The following KHDRBS2 variants were observed in gnomAD, a reference collection of about 807,000 sequenced individuals.
KHDRBS2 encodes KH RNA binding domain containing, signal transduction associated 2, also known as KH domain-containing, RNA-binding, signal transduction-associated protein 2.
Under a neutral mutation model 44.3 loss-of-function variants are expected in KHDRBS2, and 26 were observed. The observed-to-expected ratio is 0.59, with a 90% confidence interval of 0.43 to 0.81. The LOEUF (loss-of-function observed/expected upper bound fraction) is 0.81, where lower values mean the gene tolerates loss of function less well. KHDRBS2 is among the 40% of genes least tolerant of loss of function. KHDRBS2 has a pLI of 0.00. For synonymous variants in KHDRBS2, 194 were observed against 151.1 expected (o/e 1.28, Z -2.08); for missense variants, 476 against 433.1 (o/e 1.10, Z -0.88).
chr6:62,158,746 C>A (rs1272233337), intron 2 of KHDRBS2, among the ~76,000 whole-genome samples: 1 of 152,100 alleles, frequency 6.6e-6, no homozygotes, highest in African/African-American at 2.4e-5. Flanking sequence ...TTCCTCTCAA[C>A]ACTACATTCT....
the KHDRBS2 span, among the ~76,000 whole-genome samples, chr6:61,579,019 TG>T: frequency 6.6e-6 from 1 of 152,180 alleles, no homozygotes. Context: ...AACTATTAAT[TG>T]TTTTTAGCCC....
At chr6:61,957,730 G>A (rs988080331) in intron 4 of KHDRBS2, among the ~76,000 whole-genome samples, 1 of 152,116 alleles carries the variant, frequency 6.6e-6, no homozygotes, top group Non-Finnish European at 1.5e-5. Flanking sequence ...ATGGTCCTGT[G>A]ATCTCACCCT....
chr6:61,950,224 G>A (rs1055793298), intron 4 of KHDRBS2, among the ~76,000 whole-genome samples: 4 of 152,042 alleles, frequency 2.6e-5, no homozygotes, highest in Non-Finnish European at 4.4e-5. Flanking sequence ...CTTGGATACA[G>A]TACAGCTCCA....
the KHDRBS2 span, among the ~76,000 whole-genome samples, chr6:61,669,236 CAGGTAGTATGCACTTAATT>C: frequency 6.6e-5 from 10 of 150,900 alleles, no homozygotes; most frequent in Non-Finnish European, 1.2e-4. Flanking sequence ...ACAGTCTTGA[CAGGTAGTATGCACTTAATT>C]ATTTAAAATG....
intron 2 of KHDRBS2, among the ~76,000 whole-genome samples, chr6:62,129,673 G>A (rs1809808314): frequency 6.6e-6 from 1 of 152,034 alleles, no homozygotes; most frequent in Non-Finnish European, 1.5e-5. Context: ...CACTACTCAA[G>A]AGACTATTTA....
intron 2 of KHDRBS2, among the ~76,000 whole-genome samples, chr6:62,102,332 T>G (rs1024988469): frequency 6.6e-6 from 1 of 152,146 alleles, no homozygotes; most frequent in Non-Finnish European, 1.5e-5. Context: ...TCAACTGACT[T>G]ATAGTTCCAG....
At chr6:61,891,281 T>C (rs546065034) in intron 6 of KHDRBS2, among the ~76,000 whole-genome samples, 2 of 152,314 alleles carry the variant, frequency 1.3e-5, no homozygotes, top group African/African-American at 4.8e-5. Flanking sequence ...AATTTAATAT[T>C]TACAGAAGAC....
At chr6:61,987,821 T>A (rs1775343380) in intron 3 of KHDRBS2, among the ~76,000 whole-genome samples, 1 of 152,200 alleles carries the variant, frequency 6.6e-6, no homozygotes, top group Admixed American at 6.5e-5. Flanking sequence ...CTCTTGTCAC[T>A]TCACTTCCAA....
chr6:61,914,277 T>G (rs1413393194), intron 4 of KHDRBS2, among the ~76,000 whole-genome samples: 1 of 152,080 alleles, frequency 6.6e-6, no homozygotes, highest in African/African-American at 2.4e-5. Context: ...TCTTCCAAAT[T>G]TTTGGTTTGT....
At chr6:62,015,460 T>C (rs1781045459) in intron 3 of KHDRBS2, among the ~76,000 whole-genome samples, 1 of 152,116 alleles carries the variant, frequency 6.6e-6, no homozygotes, top group Non-Finnish European at 1.5e-5. Context: ...TGCCACTCTT[T>C]ACCTTAGGCA....
the KHDRBS2 span, among the ~76,000 whole-genome samples, chr6:61,594,914 T>C: frequency 1.3e-5 from 2 of 152,096 alleles, no homozygotes; most frequent in East Asian, 1.9e-4. Flanking sequence ...ATAACAGTCA[T>C]TCATTTAGCC....
At chr6:62,186,564 A>G (rs1451821955) in intron 1 of KHDRBS2, among the ~76,000 whole-genome samples, 1 of 151,844 alleles carries the variant, frequency 6.6e-6, no homozygotes, top group Non-Finnish European at 1.5e-5. Context: ...TATAAATGCT[A>G]GGAATATCAT....
chr6:62,248,960 T>C (rs926045017), intron 1 of KHDRBS2, among the ~76,000 whole-genome samples: 5 of 152,220 alleles, frequency 3.3e-5, no homozygotes, highest in African/African-American at 7.2e-5. Context: ...CTAGCATAGA[T>C]GCTATCATAT....
intron 2 of KHDRBS2, among the ~76,000 whole-genome samples, chr6:62,059,212 T>G (rs1376611308): frequency 7.7e-5 from 9 of 117,428 alleles, no homozygotes; most frequent in African/African-American, 1.8e-4. Flanking sequence ...TTTTTTTTTT[T>G]TTTTTTTTTT....
chr6:61,713,657 T>C (rs1264618174), intron 7 of KHDRBS2, among the ~76,000 whole-genome samples: 1 of 151,160 alleles, frequency 6.6e-6, no homozygotes, highest in East Asian at 2.0e-4. Flanking sequence ...CTCAAGCATA[T>C]AGTAAGCAAA....
At chr6:61,817,185 A>G (rs1272041928) in intron 6 of KHDRBS2, among the ~76,000 whole-genome samples, 2 of 152,170 alleles carry the variant, frequency 1.3e-5, no homozygotes, top group Non-Finnish European at 2.9e-5. Context: ...CTTGAGAATT[A>G]CATTTGACAG....
chr6:61,870,728 A>G (rs1426715534), intron 6 of KHDRBS2, among the ~76,000 whole-genome samples: 1 of 152,060 alleles, frequency 6.6e-6, no homozygotes, highest in African/African-American at 2.4e-5. Flanking sequence ...ATACCCAGGG[A>G]AACAGGGTCT....
chr6:61,796,310 A>T (rs1408841914), intron 6 of KHDRBS2, among the ~76,000 whole-genome samples: 2 of 152,026 alleles, frequency 1.3e-5, no homozygotes, highest in African/African-American at 4.8e-5. Context: ...CCTGAAGATT[A>T]TATAATAATG....
At chr6:62,145,751 C>A (rs562072647) in intron 2 of KHDRBS2, among the ~76,000 whole-genome samples, 1 of 151,882 alleles carries the variant, frequency 6.6e-6, no homozygotes, top group African/African-American at 2.4e-5. Context: ...AATCTGAAAT[C>A]TGAAATGCTC....
Sources: allele counts gnomAD v4.1 joint callset (sites outside exome capture counted in the v4.1 genomes callset), GRCh38; gene constraint gnomAD v4.1.1; transcripts MANE v1.5; gene names NCBI Gene and HGNC (gene_info 2026-07-23, HGNC 2026-07-21).